Variants in LINGO2 observed in about 807,000 individuals in gnomAD.
The protein encoded by LINGO2 is leucine rich repeat and Ig domain containing 2.
A neutral mutation model predicts 30.6 loss-of-function variants in LINGO2; 14 were observed. The observed-to-expected ratio is 0.46, with a 90% CI of 0.30 to 0.72. The LOEUF (loss-of-function observed/expected upper bound fraction) is 0.72, where lower values mean the gene tolerates loss of function less well. LINGO2 is among the 30% of genes least tolerant of loss of function. The pLI is 0.07. For synonymous variants in LINGO2, 317 were observed against 288.5 expected (o/e 1.10, Z -1.00); for missense variants, 729 against 751.7 (o/e 0.97, Z 0.35).
chr9:28,780,138 A>G, the LINGO2 span, among the ~76,000 whole-genome samples: 3 of 152,190 alleles, frequency 2.0e-5, no homozygotes, highest in African/African-American at 7.2e-5. Flanking sequence ...GGCTATTTTA[A>G]TAGAAGTGTT....
the LINGO2 span, among the ~76,000 whole-genome samples, chr9:28,949,687 C>T: frequency 1.0e-3 from 159 of 152,102 alleles, 3 homozygotes; most frequent in East Asian, 0.025. Context: ...AGGTACAAAG[C>T]GGAGCTGGTA....
At chr9:29,200,491 G>A in the LINGO2 span, among the ~76,000 whole-genome samples, 24 of 152,024 alleles carry the variant, frequency 1.6e-4, no homozygotes, top group Non-Finnish European at 2.4e-4. Flanking sequence ...ATAAAAATGA[G>A]TAAAATATTG....
At chr9:28,719,145 G>T in the LINGO2 span, among the ~76,000 whole-genome samples, 1 of 151,908 alleles carries the variant, frequency 6.6e-6, no homozygotes, top group African/African-American at 2.4e-5. Flanking sequence ...TGTCATGAAG[G>T]AGTAGAGTCT....
At chr9:28,993,952 T>C in the LINGO2 span, among the ~76,000 whole-genome samples, 350 of 151,210 alleles carry the variant, frequency 2.3e-3, 1 homozygote, top group African/African-American at 8.1e-3. Flanking sequence ...CTTTGAAAAG[T>C]GGCACAAGAC....
At chr9:28,292,446 C>G (rs1293920569) in intron 4 of LINGO2, among the ~76,000 whole-genome samples, 3 of 151,984 alleles carry the variant, frequency 2.0e-5, no homozygotes, top group Admixed American at 6.6e-5. Context: ...TGTGTAATAT[C>G]AATTATTTTA....
chr9:28,908,241 G>C, the LINGO2 span, among the ~76,000 whole-genome samples: 4 of 151,640 alleles, frequency 2.6e-5, no homozygotes, highest in Non-Finnish European at 5.9e-5. Flanking sequence ...GTTTTATGCT[G>C]AATGATATAT....
At chr9:29,156,371 T>C in the LINGO2 span, among the ~76,000 whole-genome samples, 1 of 152,098 alleles carries the variant, frequency 6.6e-6, no homozygotes, top group Non-Finnish European at 1.5e-5. Flanking sequence ...GTTTCAACAA[T>C]ATTGGGATTT....
At chr9:28,408,147 A>C (rs16912902) in intron 2 of LINGO2, among the ~76,000 whole-genome samples, 5,178 of 152,272 alleles carry the variant, frequency 0.034, 283 homozygotes, top group African/African-American at 0.12. Context: ...GTCTAGGTTC[A>C]TATAGAGTCA....
the LINGO2 span, among the ~76,000 whole-genome samples, chr9:28,824,639 A>G: frequency 4.6e-5 from 7 of 152,304 alleles, no homozygotes; most frequent in African/African-American, 1.7e-4. Flanking sequence ...AAGACTGATT[A>G]ATGATGTCTT....
chr9:28,794,231 G>A, the LINGO2 span, among the ~76,000 whole-genome samples: 4 of 152,208 alleles, frequency 2.6e-5, no homozygotes, highest in African/African-American at 7.2e-5. Context: ...TTGAATCCGG[G>A]AGGCAGAGGT....
intron 1 of LINGO2, among the ~76,000 whole-genome samples, chr9:28,651,108 C>CGGA (rs1199974572): frequency 2.0e-5 from 3 of 151,128 alleles, no homozygotes; most frequent in Admixed American, 2.0e-4. Context: ...GGCATGAACC[C>CGGA]GGAGGCAGAG....
intron 4 of LINGO2, among the ~76,000 whole-genome samples, chr9:28,226,893 A>T (rs1367342032): frequency 6.6e-6 from 1 of 152,110 alleles, no homozygotes; most frequent in Non-Finnish European, 1.5e-5. Flanking sequence ...AATTGACCTT[A>T]GTAAGTACTA....
At chr9:28,511,877 A>T (rs910993063) in intron 1 of LINGO2, among the ~76,000 whole-genome samples, 1 of 152,136 alleles carries the variant, frequency 6.6e-6, no homozygotes, top group Admixed American at 6.5e-5. Context: ...AGCGATGTCC[A>T]AGAAAGGGGC....
At chr9:28,996,986 C>A in the LINGO2 span, among the ~76,000 whole-genome samples, 1 of 152,172 alleles carries the variant, frequency 6.6e-6, no homozygotes, top group African/African-American at 2.4e-5. Flanking sequence ...ATTCCTTCTC[C>A]TTGGCCAGGC....
At chr9:28,146,447 G>A (rs1162502651) in intron 4 of LINGO2, among the ~76,000 whole-genome samples, 1 of 152,096 alleles carries the variant, frequency 6.6e-6, no homozygotes, top group East Asian at 1.9e-4. Context: ...ATTGTGGTTT[G>A]GTAAAGAGGA....
intron 4 of LINGO2, among the ~76,000 whole-genome samples, chr9:28,282,913 C>T (rs1238059410): frequency 6.6e-6 from 1 of 152,170 alleles, no homozygotes; most frequent in Non-Finnish European, 1.5e-5. Context: ...CAGTAACTGA[C>T]AGAATGTACT....
chr9:28,397,587 G>T (rs146843903), intron 2 of LINGO2, among the ~76,000 whole-genome samples: 2 of 129,840 alleles, frequency 1.5e-5, no homozygotes, highest in Admixed American at 9.1e-5. Context: ...TCAGTCTGTC[G>T]CCCAGGGTGG....
intron 1 of LINGO2, among the ~76,000 whole-genome samples, chr9:28,666,455 T>C (rs2136028711): frequency 6.6e-6 from 1 of 152,224 alleles, no homozygotes; most frequent in African/African-American, 2.4e-5. Context: ...TAGAAAATAA[T>C]AAGTAAAATA....
chr9:27,971,260 GT>G (rs1346527473), intron 5 of LINGO2, among the ~76,000 whole-genome samples: 1 of 148,844 alleles, frequency 6.7e-6, no homozygotes, highest in East Asian at 2.0e-4. Flanking sequence ...TATTTCTTCT[GT>G]TTTTTTCTTA....
Sources: gnomAD v4.1 joint callset for allele counts (sites outside exome capture counted in the v4.1 genomes callset) on GRCh38, gnomAD v4.1.1 for gene constraint, MANE v1.5 for transcripts, NCBI Gene and HGNC (gene_info 2026-07-23, HGNC 2026-07-21) for gene names.